The following RBFOX1 variants were observed in gnomAD, a reference collection of about 807,000 sequenced individuals.
RBFOX1 encodes RNA binding protein fox-1 homolog 1.
In RBFOX1, 8 loss-of-function variants were observed where a neutral mutation model predicts 57.7. The ratio of observed to expected loss-of-function variants is 0.14; its 90% confidence interval spans 0.08 to 0.25. RBFOX1 has a LOEUF of 0.25. RBFOX1 is among the 10% of genes least tolerant of loss of function. The pLI, the probability that RBFOX1 is intolerant of heterozygous loss-of-function variation, is 1.00. For synonymous variants in RBFOX1, 326 were observed against 222.4 expected, an observed-to-expected ratio of 1.47 and a Z score of -4.15; for missense variants, 611 against 548.5, an observed-to-expected ratio of 1.11 and a Z score of -1.14.
At chr16:6,118,216 C>G (rs1037056230) in intron 1 of RBFOX1, among the ~76,000 whole-genome samples, 1 of 152,144 alleles carries the variant, frequency 6.6e-6, no homozygotes, top group Non-Finnish European at 1.5e-5. Flanking sequence ...TACTCCAGTT[C>G]TTTTACTCTT....
At chr16:5,815,376 A>C (rs1361647690) in intron 3 of RBFOX1, among the ~76,000 whole-genome samples, 2 of 152,058 alleles carry the variant, frequency 1.3e-5, no homozygotes, top group Non-Finnish European at 2.9e-5. Flanking sequence ...TGGAGACCCC[A>C]GTGGTCAGTA....
intron 1 of RBFOX1, among the ~76,000 whole-genome samples, chr16:5,341,424 G>A (rs1413102776): frequency 6.6e-6 from 1 of 152,122 alleles, no homozygotes; most frequent in Non-Finnish European, 1.5e-5. Context: ...GTAGAATGTC[G>A]TGGCTATAAT....
intron 2 of RBFOX1, among the ~76,000 whole-genome samples, chr16:6,584,656 A>G (rs919215682): frequency 2.0e-5 from 3 of 152,030 alleles, no homozygotes; most frequent in African/African-American, 7.2e-5. Context: ...GGCATGAGCC[A>G]CCATGCCCGG....
chr16:7,424,166 A>T (rs1384947939), intron 4 of RBFOX1, among the ~76,000 whole-genome samples: 2 of 152,198 alleles, frequency 1.3e-5, no homozygotes, highest in African/African-American at 2.4e-5. Context: ...AAGTGACTCC[A>T]GTAGCAGATT....
intron 1 of RBFOX1, among the ~76,000 whole-genome samples, chr16:5,326,866 G>A (rs2064589582): frequency 6.6e-6 from 1 of 152,164 alleles, no homozygotes; most frequent in Non-Finnish European, 1.5e-5. Flanking sequence ...TATCTCAGCA[G>A]AAAGCCCAGC....
At chr16:6,816,490 T>G (rs1431944188) in intron 3 of RBFOX1, among the ~76,000 whole-genome samples, 1 of 150,548 alleles carries the variant, frequency 6.6e-6, no homozygotes, top group African/African-American at 2.4e-5. Context: ...GCCTGTAATC[T>G]CAGTACTTTG....
At chr16:6,978,846 G>A (rs1598967148) in intron 3 of RBFOX1, among the ~76,000 whole-genome samples, 1 of 152,064 alleles carries the variant, frequency 6.6e-6, no homozygotes. Context: ...AATCCCCTTC[G>A]CGCAGAGCTG....
chr16:5,891,241 G>A (rs547948074), intron 4 of RBFOX1, among the ~76,000 whole-genome samples: 3 of 152,288 alleles, frequency 2.0e-5, no homozygotes, highest in African/African-American at 7.2e-5. Context: ...TCCCTGATGT[G>A]AGGCAGTGGT....
chr16:6,599,698 G>C (rs146470336), intron 2 of RBFOX1, among the ~76,000 whole-genome samples: 1 of 152,034 alleles, frequency 6.6e-6, no homozygotes. Flanking sequence ...CTGTGGAGCC[G>C]AACTTCTCCA....
chr16:6,106,472 T>TAAAA (rs113891633), intron 1 of RBFOX1, among the ~76,000 whole-genome samples: 2 of 131,456 alleles, frequency 1.5e-5, no homozygotes, highest in Non-Finnish European at 3.1e-5. Context: ...GTCTCAAAAA[T>TAAAA]AAAAAAAAAA....
At position 6,497,465 on chromosome 16, in the gene RBFOX1, A is replaced by T. The variant is rs75895155; in HGVS notation, c.-63-157138A>T. The stretch of plus-strand genomic sequence containing the variant: ...GCACTTGGAGAAAGAAGTTGGTGTG[A>T]ACTCTAGAAGAACAGCTCTTCAAAA... On this transcript the variant is annotated intron_variant, in intron 2 of 15. Transcript: ENST00000550418. 4.8e-3 allele frequency among the ~76,000 whole-genome samples: 738 copies of T among 152,206 alleles called. 24 individuals carry two copies. In the East Asian group the frequency reaches 0.095, roughly 20 times the overall value.
At chr16:5,655,506 G>T (rs1460129686) in intron 3 of RBFOX1, among the ~76,000 whole-genome samples, 1 of 152,198 alleles carries the variant, frequency 6.6e-6, no homozygotes, top group Non-Finnish European at 1.5e-5. Context: ...GTGTGGCTAG[G>T]TTCAGCGATG....
intron 14 of RBFOX1, among the ~76,000 whole-genome samples, chr16:7,680,377 G>T (rs545092154): frequency 6.6e-6 from 1 of 152,156 alleles, no homozygotes; most frequent in Non-Finnish European, 1.5e-5. Flanking sequence ...TCCCCAGACA[G>T]ACAGACATTT....
At chr16:7,032,182 T>C (rs2042972481) in intron 3 of RBFOX1, among the ~76,000 whole-genome samples, 1 of 152,106 alleles carries the variant, frequency 6.6e-6, no homozygotes, top group Non-Finnish European at 1.5e-5. Flanking sequence ...CCCAGTTCTT[T>C]GGGAGGCCAA....
intron 2 of RBFOX1, among the ~76,000 whole-genome samples, chr16:6,514,007 G>T (rs556400488): frequency 1.3e-5 from 2 of 152,152 alleles, no homozygotes; most frequent in Non-Finnish European, 2.9e-5. Flanking sequence ...TGCAAATGGC[G>T]CATGTCCACC....
At chr16:6,357,873 C>T (rs189873911) in intron 2 of RBFOX1, among the ~76,000 whole-genome samples, 4 of 151,724 alleles carry the variant, frequency 2.6e-5, no homozygotes, top group African/African-American at 9.7e-5. Context: ...ATTGCTTGAA[C>T]CCTGGAGGTG....
chr16:7,118,348 A>AT (rs113751578), intron 4 of RBFOX1, among the ~76,000 whole-genome samples: 11,672 of 151,942 alleles, frequency 0.077, 584 homozygotes, highest in African/African-American at 0.14. Flanking sequence ...AGTGATAAGC[A>AT]TTTTTTTCAT....
intron 4 of RBFOX1, among the ~76,000 whole-genome samples, chr16:7,068,500 T>C (rs2153769844): frequency 2.6e-5 from 4 of 152,348 alleles, no homozygotes; most frequent in Admixed American, 2.6e-4. Context: ...CATTCATTGC[T>C]TCACCATTTA....
intron 4 of RBFOX1, among the ~76,000 whole-genome samples, chr16:7,255,248 G>A (rs372274235): frequency 6.6e-6 from 1 of 152,240 alleles, no homozygotes; most frequent in Non-Finnish European, 1.5e-5. Flanking sequence ...GACTTAATAG[G>A]AACCAAAAAT....
Sources: gnomAD v4.1 joint callset for allele counts (sites outside exome capture counted in the v4.1 genomes callset) on GRCh38, gnomAD v4.1.1 for gene constraint, MANE v1.5 for transcripts, NCBI Gene and HGNC (gene_info 2026-07-23, HGNC 2026-07-21) for gene names.